MTHFD2: variants seen among roughly 807,000 people sequenced by gnomAD.
MTHFD2 encodes the protein bifunctional methylenetetrahydrofolate dehydrogenase/cyclohydrolase, mitochondrial.
In MTHFD2, 26 loss-of-function variants were observed where a neutral mutation model predicts 36.8. The observed-to-expected ratio is 0.71, with a 90% CI of 0.52 to 0.98. The LOEUF (loss-of-function observed/expected upper bound fraction) is 0.98, where lower values mean the gene tolerates loss of function less well. Among genes scored for constraint, MTHFD2 ranks in the 50% least tolerant of loss-of-function variants. The pLI, the probability that MTHFD2 is intolerant of heterozygous loss-of-function variation, is 0.00. For missense variants in MTHFD2, 373 were observed against 434.0 expected (o/e 0.86, Z 1.25); for synonymous variants, 164 against 155.2 (o/e 1.06, Z -0.42).
rs1422061406 is a variant in MTHFD2, at chr2:74,207,924, C to T, written c.409+98C>T. ...CCTCCCCATCCCCCTCCTCCTCCCT[C>T]TCCTTTCCTTGTCTCACTCTGTCAC... On this transcript the variant is annotated intron_variant, in intron 3 of 7. Transcript: ENST00000394053. The T allele has an allele frequency of 1.6e-5, 20 of 1,254,972 alleles. No homozygotes were observed. In the East Asian group the frequency reaches 4.5e-4, roughly 28 times the overall value. 77.7% of individuals were successfully genotyped at this position (1,254,972 alleles called of 1,614,324 possible). A position where few individuals can be genotyped will look rare whatever the true frequency, so the allele number is the denominator to read the frequency against.
rs1046491780 is a variant in MTHFD2, at chr2:74,208,576, T to C, written c.417T>C (p.Ile139=). 6.2e-7 allele frequency: 1 copy of C among 1,614,066 alleles called. No individual in the cohort carries two copies. Residue 139 remains isoleucine (I), a synonymous_variant, in exon 4 of 8, where the codon ATT becomes ATC. Transcript: ENST00000394053. Reference sequence around the variant, plus strand: ...TGCCAATTTCTTTTTCAGAGCATATTGATGAGAGAAGGATCTGCAATGCTG... The same window carrying C: ...TGCCAATTTCTTTTTCAGAGCATATCGATGAGAGAAGGATCTGCAATGCTG... The part of the protein sequence containing the change: ...LLVQLPLPEH[I]DERRICNAVS...
chr2:74,208,486 C>T (rs1314385674), intron 3 of MTHFD2, 83 bp from the exon 4 acceptor site: 1 of 1,459,856 alleles, frequency 6.8e-7, no homozygotes, highest in Admixed American at 1.9e-5. Context: ...GAATAGATTT[C>T]CTTGCGAAGC....
At chr2:74,201,571 C>T (rs1416434199) in intron 1 of MTHFD2, among the ~76,000 whole-genome samples, 1 of 151,734 alleles carries the variant, frequency 6.6e-6, no homozygotes, top group Non-Finnish European at 1.5e-5. Flanking sequence ...CACCATGTTG[C>T]CCACGCTAGT....
Position 74,214,360 on chromosome 2 carries a change from T to C in MTHFD2, c.*118T>C. 1 of 1,224,790 alleles carries C rather than the reference T, an allele frequency of 8.2e-7. No individual in the cohort carries two copies. The allele number at this position is 1,224,790 out of a possible 1,614,324, so 75.9% of individuals were successfully genotyped here. A position where few individuals can be genotyped will look rare whatever the true frequency, so the allele number is the denominator to read the frequency against. On this transcript the variant is annotated 3_prime_UTR_variant, in exon 8 of 8. Coordinates refer to ENST00000394053, the MANE Select transcript of MTHFD2 (RefSeq NM_006636.4). The stretch of plus-strand genomic sequence containing the variant: ...TGAAATGGTTTAAAATGATGCCTTG[T>C]ATTTATTGAAAGCTTAAATGGGTGG...
intron 1 of MTHFD2, among the ~76,000 whole-genome samples, chr2:74,201,478 T>C (rs561037383): frequency 6.6e-6 from 1 of 152,106 alleles, no homozygotes; most frequent in Non-Finnish European, 1.5e-5. Context: ...CCACCTCAGC[T>C]TGTGAGTAAC....
intron 5 of MTHFD2, among the ~76,000 whole-genome samples, 176 bp downstream of exon 5, chr2:74,210,225 G>A (rs1203521321): frequency 6.6e-6 from 1 of 152,216 alleles, no homozygotes; most frequent in Non-Finnish European, 1.5e-5. Flanking sequence ...AGTGTCACCT[G>A]AGTTTCTTTA....
chr2:74,207,895 T>TCTCCCTCCCCATCCCCCTCCTC, intron 3 of MTHFD2, 69 bp downstream of exon 3: 1 of 1,454,540 alleles, frequency 6.9e-7, no homozygotes, highest in East Asian at 2.3e-5. Context: ...TCCCTCTCTC[T>TCTCCCTCCCCATCCCCCTCCTC]CTCCCTCCCC....
rs1162881543 is a variant in MTHFD2 at position 74,211,781 on chromosome 2, A to T, written c.804A>T (p.Gly268=). 1 of 1,611,952 alleles carries T rather than the reference A, an allele frequency of 6.2e-7. No individual in the cohort carries two copies. Among genetic ancestry groups the T allele is most frequent in the East Asian group, 2.2e-5 (1 of 44,818 alleles). ...TCACAGCAGATATGATCAAGGAAGG[A>T]GCAGCAGTCATTGATGTGGGAATAA... ...NLITADMIKE[G]AAVIDVGINR... is the part of the protein sequence containing the mutation. The change falls in exon 7 of 8, where the codon GGA becomes GGT. Residue 268 remains glycine (G), a synonymous_variant. Coordinates refer to ENST00000394053, the MANE Select transcript of MTHFD2 (RefSeq NM_006636.4).
At position 74,214,388 on chromosome 2, in the gene MTHFD2, G is replaced by A; in HGVS notation, c.*146G>A. 1.2e-6 allele frequency: 1 copy of A among 851,622 alleles called. No individual in the cohort carries two copies. The allele number at this position is 851,622 out of a possible 1,614,324, so 52.8% of individuals were successfully genotyped here. On this transcript the variant is annotated 3_prime_UTR_variant, in exon 8 of 8. Transcript: ENST00000394053. ...TTATTGAAAGCTTAAATGGGTGGGT[G>A]TTTCTGCACATACCTCTGCAGTACC...
Position 74,208,499 on chromosome 2 carries a change from A to G in MTHFD2, c.410-70A>G, listed in dbSNP as rs2293342. ...AAGAATAGATTTCCTTGCGAAGCAG[A>G]TAAGCTGGAGTCAGGCAGTGCTGAC... is the stretch of plus-strand genomic sequence containing the variant. On this transcript the variant is annotated intron_variant, in intron 3 of 7. Transcript: ENST00000394053. 5.6e-3 allele frequency: 8,439 copies of G among 1,518,166 alleles called. 315 individuals carry two copies. The East Asian group carries it at 0.1, about 19-fold the overall frequency. The allele number at this position is 1,518,166 out of a possible 1,614,324, so 94.0% of individuals were successfully genotyped here.
chr2:74,198,827 AG>A (rs1693967793), intron 1 of MTHFD2, 85 bp downstream of exon 1: 1 of 1,260,810 alleles, frequency 7.9e-7, no homozygotes, highest in Admixed American at 2.3e-5. Context: ...AGGGACACCG[AG>A]GGAAGTCCTT....
rs2103850930 is a variant in MTHFD2, at chr2:74,217,016, G to A, written c.*2774G>A. 6.6e-6 allele frequency: 1 copy of A among 152,274 alleles called. No individual in the cohort carries two copies. The allele number at this position is 152,274 out of a possible 1,614,324, so 9.4% of individuals were successfully genotyped here. A position where few individuals can be genotyped will look rare whatever the true frequency, so the allele number is the denominator to read the frequency against. ...ACCTCTTGGCAGTATCCCTTGGAAG[G>A]GAGCTCTGAGATTAAATGTAATCAA... On this transcript the variant is annotated 3_prime_UTR_variant, in exon 8 of 8. Transcript: ENST00000394053.
rs770703541 is a variant in MTHFD2 at position 74,198,623 on chromosome 2, G to T, written c.-19G>T. On this transcript the variant is annotated 5_prime_UTR_variant, in exon 1 of 8. Transcript: ENST00000394053. ...CCCGCGCGCGCGCTTCCCTCCCGGCGCAGTCACCGGCGCGGTCTATGGCTG... is the reference window on the plus strand; with the variant it reads ...CCCGCGCGCGCGCTTCCCTCCCGGCTCAGTCACCGGCGCGGTCTATGGCTG... The T allele has an allele frequency of 6.9e-6, 11 of 1,586,104 alleles. No individual in the cohort carries two copies. In the Admixed American group the frequency reaches 1.2e-4, roughly 18 times the overall value.
At chr2:74,204,202 C>T (rs999290317) in intron 1 of MTHFD2, among the ~76,000 whole-genome samples, 4 of 152,020 alleles carry the variant, frequency 2.6e-5, no homozygotes, top group African/African-American at 9.7e-5. Flanking sequence ...GCTTGAGCTA[C>T]CACGCTGGGC....
chr2:74,205,771 G>A lies in MTHFD2; in HGVS notation c.168G>A (p.Glu56=). ...AGATCAAGCAGGAAGTGCGGCAGGA[G>A]GTAGAAGAGTGGGTGGCCTCAGGCA... ...AQQIKQEVRQ[E]VEEWVASGNK... The change falls in exon 2 of 8, where the codon GAG becomes GAA. Residue 56 remains glutamate (E), a synonymous_variant. Coordinates refer to ENST00000394053, the MANE Select transcript of MTHFD2 (RefSeq NM_006636.4). 1 of 1,613,880 alleles carries A rather than the reference G, an allele frequency of 6.2e-7. No homozygotes were observed. The highest frequency in any genetic ancestry group is 8.5e-7 in the Non-Finnish European group (1 of 1,180,010).
intron 2 of MTHFD2, chr2:74,206,114 A>G (rs1694174620): frequency 2.4e-6 from 1 of 412,954 alleles, no homozygotes; most frequent in South Asian, 4.2e-5. Context: ...GGCTTCTGGA[A>G]AGAATATAAG....
chr2:74,207,686 C>A lies in MTHFD2; in HGVS notation c.287-18C>A. ...AATGCCTCAAAAATTTTTTTAACCT[C>A]AAAATTTCTTATAATAGGAATCAAC... On this transcript the variant is annotated intron_variant, in intron 2 of 7. Transcript: ENST00000394053. 6.3e-7 allele frequency: 1 copy of A among 1,588,324 alleles called. No individual in the cohort carries two copies. Among genetic ancestry groups the A allele is most frequent in the Non-Finnish European group, 8.6e-7 (1 of 1,161,726 alleles).
intron 3 of MTHFD2, 64 bp downstream of exon 3, chr2:74,207,890 C>G (rs1694218510): frequency 6.8e-7 from 1 of 1,467,410 alleles, no homozygotes; most frequent in Non-Finnish European, 9.3e-7. Context: ...CTCCCTCCCT[C>G]TCTCTCTCCC....
rs560221463 is a variant in MTHFD2 at position 74,201,962 on chromosome 2, T to TC, written c.101+3220_101+3221insC. On this transcript the variant is annotated intron_variant, in intron 1 of 7. Coordinates refer to ENST00000394053, the MANE Select transcript of MTHFD2 (RefSeq NM_006636.4). ...TTGACTGTTTTTCTTTCTTTTCTTT[T>TC]TTTTTTTTTAAGCAAATTGGCATAA... Among the ~76,000 whole-genome samples, 199 of 152,064 alleles carry TC rather than the reference T, an allele frequency of 1.3e-3. 1 individual carries two copies. Among genetic ancestry groups the TC allele is most frequent in the Non-Finnish European group, 1.2e-4 (8 of 68,002 alleles).
Sources: gnomAD v4.1 joint callset for allele counts (sites outside exome capture counted in the v4.1 genomes callset) on GRCh38, gnomAD v4.1.1 for gene constraint, MANE v1.5 for transcripts, NCBI Gene and HGNC (gene_info 2026-07-23, HGNC 2026-07-21) for gene names.